RAD18: variants seen among roughly 807,000 people sequenced by gnomAD.
RAD18 encodes the protein RAD18 E3 ubiquitin protein ligase.
In RAD18, 47 loss-of-function variants were observed where a neutral mutation model predicts 60.4. The ratio of observed to expected loss-of-function variants is 0.78; its 90% CI spans 0.62 to 0.99. The LOEUF (loss-of-function observed/expected upper bound fraction) is 0.99, where lower values mean the gene tolerates loss of function less well. Among genes scored for constraint, RAD18 ranks in the 50% least tolerant of loss-of-function variants. The pLI is 0.00. For synonymous variants in RAD18, 225 were observed against 195.5 expected (o/e 1.15, Z -1.26); for missense variants, 640 against 593.3 (o/e 1.08, Z -0.82).
At chr3:8,906,307 A>T (rs1940000280) in intron 9 of RAD18, among the ~76,000 whole-genome samples, 1 of 152,132 alleles carries the variant, frequency 6.6e-6, no homozygotes, top group Non-Finnish European at 1.5e-5. Context: ...AATTTAAATA[A>T]CAAACTTTAA....
chr3:8,933,593 C>A (rs1262548892), intron 7 of RAD18, among the ~76,000 whole-genome samples: 1 of 152,190 alleles, frequency 6.6e-6, no homozygotes, highest in African/African-American at 2.4e-5. Context: ...TAGAATAAAA[C>A]ATCGTGTACC....
chr3:8,892,835 G>A (rs1939716857), intron 11 of RAD18, among the ~76,000 whole-genome samples: 1 of 152,130 alleles, frequency 6.6e-6, no homozygotes, highest in East Asian at 1.9e-4. Flanking sequence ...TCAGATTTCG[G>A]TGTCAGACAA....
chr3:8,923,296 T>C (rs1940364324), intron 7 of RAD18, among the ~76,000 whole-genome samples: 2 of 152,160 alleles, frequency 1.3e-5, no homozygotes, highest in African/African-American at 4.8e-5. Flanking sequence ...ATTCGATCAA[T>C]TGGAAGAAAG....
At chr3:8,941,005 A>G (rs1159608849) in intron 5 of RAD18, among the ~76,000 whole-genome samples, 1 of 152,214 alleles carries the variant, frequency 6.6e-6, no homozygotes, top group East Asian at 1.9e-4. Context: ...CTGGAGGAAC[A>G]GTGGGGAGGC....
chr3:8,905,885 C>G (rs1277712577), intron 9 of RAD18, among the ~76,000 whole-genome samples: 1 of 152,210 alleles, frequency 6.6e-6, no homozygotes. Flanking sequence ...TAGAATCATT[C>G]TAACAGAAAC....
intron 12 of RAD18, among the ~76,000 whole-genome samples, chr3:8,888,665 C>T (rs1939625793): frequency 6.6e-6 from 1 of 152,218 alleles, no homozygotes; most frequent in Non-Finnish European, 1.5e-5. Context: ...CTGCTGAAAT[C>T]AGGAGGCCTG....
Position 8,958,943 on chromosome 3 carries a change from A to G in RAD18, c.110T>C (p.Ile37Thr). The G allele has an allele frequency of 6.2e-7, 1 of 1,613,706 alleles. No individual in the cohort carries two copies. The highest frequency in any genetic ancestry group is 2.2e-5 in the East Asian group (1 of 44,844). ...ACAGTTATGTGAACACTGAGGTATT[A>G]TCATTGCAATGTTGAAATACTCGAA... Reference protein sequence around the residue: ...ICFEYFNIAMIIPQCSHNYCS... With the variant: ...ICFEYFNIAMTIPQCSHNYCS... Residue 37 changes from isoleucine to threonine, a missense_variant, in exon 2 of 13, where the codon ATA becomes ACA. Ile to Thr is a moderately conservative substitution (Grantham distance 89, BLOSUM62 -1). Transcript: ENST00000264926.
At chr3:8,910,058 A>G (rs892869144) in intron 9 of RAD18, among the ~76,000 whole-genome samples, 3 of 152,226 alleles carry the variant, frequency 2.0e-5, no homozygotes, top group South Asian at 2.1e-4. Context: ...GAATTCCCAG[A>G]AAGTTGGTGA....
rs576453827 is a variant in RAD18 at position 8,883,669 on chromosome 3, G to A, written c.1386-2210C>T. Among the ~76,000 whole-genome samples, 25 of 152,154 alleles carry A rather than the reference G, an allele frequency of 1.6e-4. No homozygotes were observed. In the South Asian group the frequency reaches 2.3e-3, roughly 14 times the overall value. ...GGTTAACCAGAGGTGAAAGTTTAGC[G>A]CTTCCTTAGGTCTTTCCTAAGCATG... On this transcript the variant is annotated intron_variant, in intron 12 of 12. Coordinates refer to ENST00000264926, the MANE Select transcript of RAD18 (RefSeq NM_020165.4).
chr3:8,955,893 C>T (rs1045331187), intron 2 of RAD18, among the ~76,000 whole-genome samples: 8 of 152,126 alleles, frequency 5.3e-5, no homozygotes, highest in Non-Finnish European at 8.8e-5. Context: ...TTCCATAAAG[C>T]GCAGTGGATG....
At chr3:8,920,278 CAAAAAAAAAAAA>C (rs60504682) in intron 7 of RAD18, among the ~76,000 whole-genome samples, 4 of 70,070 alleles carry the variant, frequency 5.7e-5, no homozygotes, top group Non-Finnish European at 1.3e-4. Context: ...GACTCCGTCT[CAAAAAAAAAAAA>C]AAAAAAAAGA....
rs537783446 is a variant in RAD18, at chr3:8,941,583, G to A, written c.488C>T (p.Ala163Val). 5.8e-5 allele frequency: 93 copies of A among 1,614,074 alleles called. No homozygotes were observed. In the South Asian group the frequency reaches 6.3e-4, roughly 11 times the overall value. Reference sequence around the variant, plus strand: ...CTCTTTGGTCTTTGCAGCAGGGCTCGCCTCTTTTTGAGGGCTGAATTTGCT... The same window carrying A: ...CTCTTTGGTCTTTGCAGCAGGGCTCACCTCTTTTTGAGGGCTGAATTTGCT... ...NKSKFSPQKE[A>V]SPAAKTKETR... The change falls in exon 5 of 13, where the codon GCG (alanine) becomes GTG (valine). Residue 163 changes from alanine (A) to valine (V), a missense_variant. Coordinates refer to ENST00000264926, the MANE Select transcript of RAD18 (RefSeq NM_020165.4).
chr3:8,913,492 A>AT, intron 8 of RAD18, 152 bp downstream of exon 8: 1 of 519,396 alleles, frequency 1.9e-6, no homozygotes. Context: ...ACAATCAAAT[A>AT]TTGTCCTAAA....
At chr3:8,955,393 T>G (rs1262967626) in intron 2 of RAD18, among the ~76,000 whole-genome samples, 1 of 152,150 alleles carries the variant, frequency 6.6e-6, no homozygotes, top group African/African-American at 2.4e-5. Context: ...TCTAGGTGAC[T>G]GGGGACTGCT....
At chr3:8,896,934 C>G (rs608330) in intron 11 of RAD18, among the ~76,000 whole-genome samples, 107,967 of 151,916 alleles carry the variant, frequency 0.71, 38,828 homozygotes, top group Middle Eastern at 0.77. Context: ...AAAAAGTAAA[C>G]TGCTGTATTT....
chr3:8,926,615 A>T (rs1940441629), intron 7 of RAD18, among the ~76,000 whole-genome samples: 1 of 152,258 alleles, frequency 6.6e-6, no homozygotes, highest in Admixed American at 6.5e-5. Context: ...ATCCTAAGCC[A>T]AGAGAACAAA....
Position 8,885,966 on chromosome 3 carries a change from GTC to G in RAD18, c.1385+4421_1385+4422del, listed in dbSNP as rs1939556006. On this transcript the variant is annotated intron_variant, in intron 12 of 12. Coordinates refer to ENST00000264926, the MANE Select transcript of RAD18 (RefSeq NM_020165.4). Reference sequence around the variant, plus strand: ...TATCAGGAGAAAGTTATTGAAATCAGTCTCTTGTCAAACCAATGCTGTAGTTA... The same window carrying G: ...TATCAGGAGAAAGTTATTGAAATCAGTCTTGTCAAACCAATGCTGTAGTTA... 2.0e-5 allele frequency among the ~76,000 whole-genome samples: 3 copies of G among 152,324 alleles called. No individual in the cohort carries two copies. The South Asian group carries it at 6.2e-4, about 32-fold the overall frequency.
chr3:8,925,153 T>C (rs1208107932), intron 7 of RAD18, among the ~76,000 whole-genome samples: 2 of 151,942 alleles, frequency 1.3e-5, no homozygotes, highest in Non-Finnish European at 2.9e-5. Context: ...AGAAAATTAA[T>C]AGACTGCTAG....
chr3:8,947,419 C>A, intron 3 of RAD18, 129 bp from the exon 4 acceptor site: 1 of 697,262 alleles, frequency 1.4e-6, no homozygotes, highest in East Asian at 2.5e-5. Context: ...AAGGCAGCCT[C>A]AAAATAAAGT....
Sources: allele counts gnomAD v4.1 joint callset (sites outside exome capture counted in the v4.1 genomes callset), GRCh38; gene constraint gnomAD v4.1.1; transcripts MANE v1.5; gene names NCBI Gene and HGNC (gene_info 2026-07-23, HGNC 2026-07-21).